The following ITGAX variants were observed in gnomAD, a reference collection of about 807,000 sequenced individuals.
ITGAX encodes integrin subunit alpha X.
Under a neutral mutation model 140.2 loss-of-function variants are expected in ITGAX, and 99 were observed. The observed-to-expected ratio is 0.71, with a 90% CI of 0.60 to 0.83. The LOEUF is 0.83. Among genes scored for constraint, ITGAX ranks in the 40% least tolerant of loss-of-function variants. The pLI, the probability that ITGAX is intolerant of heterozygous loss-of-function variation, is 0.00. For missense variants in ITGAX, 1,444 were observed against 1,482.0 expected, an observed-to-expected ratio of 0.97 and a Z score of 0.42; for synonymous variants, 631 against 600.4, an observed-to-expected ratio of 1.05 and a Z score of -0.75.
Position 31,357,115 on chromosome 16 carries a change from G to C in ITGAX, c.318+14G>C. 6.2e-7 allele frequency: 1 copy of C among 1,603,850 alleles called. No homozygotes were observed. The highest frequency in any genetic ancestry group is 8.5e-7 in the Non-Finnish European group (1 of 1,177,818). On this transcript the variant is annotated intron_variant, in intron 4 of 29. Coordinates refer to ENST00000268296, the MANE Select transcript of ITGAX (RefSeq NM_000887.5). ...TCCCAGCTGCTGGTGAGTGGCCCTG[G>C]GTCACAGGAGGCTTCTGAGGGAGGG...
Position 31,380,258 on chromosome 16 carries a change from G to A in ITGAX, c.3061-8G>A. 6.2e-7 allele frequency: 1 copy of A among 1,612,910 alleles called. No individual in the cohort carries two copies. The highest frequency in any genetic ancestry group is 1.7e-4 in the Middle Eastern group (1 of 6,056). On this transcript the variant is annotated splice_region_variant and splice_polypyrimidine_tract_variant and intron_variant, in intron 26 of 29. Transcript: ENST00000268296. ...TTTCTCAGCCCCATGCTATTTATCT[G>A]CCCCCAGGACTGCTCCATTGCTGGC...
In ITGAX at chr16:31,382,299, G is replaced by A; in HGVS notation, c.*392G>A. The A allele has an allele frequency of 9.5e-7, 1 of 1,051,166 alleles. No homozygotes were observed. 65.1% of individuals were successfully genotyped at this position (1,051,166 alleles called of 1,614,324 possible). On this transcript the variant is annotated 3_prime_UTR_variant, in exon 30 of 30. Transcript: ENST00000268296. ...CTCGCTCTGTCACCCAGGCTGGAGT[G>A]CAATGGCGTGATCTCGGCTCACTGC...
intron 20 of ITGAX, among the ~76,000 whole-genome samples, chr16:31,375,172 C>A (rs1032705953): frequency 6.6e-6 from 1 of 152,192 alleles, no homozygotes; most frequent in Non-Finnish European, 1.5e-5. Flanking sequence ...CCCACTGCCA[C>A]GCCCAGCTAA....
chr16:31,359,679 C>T (rs769145495), intron 5 of ITGAX, 21 bp from the exon 6 acceptor site: 21 of 1,612,004 alleles, frequency 1.3e-5, no homozygotes, highest in South Asian at 9.9e-5. Context: ...CTTGGAGGAC[C>T]GGTGCCACCT....
rs1266108240 is a variant in ITGAX, at chr16:31,362,525, A to G, written c.1217-86A>G. 8.5e-5 allele frequency: 106 copies of G among 1,253,424 alleles called. 1 individual carries two copies. The Middle Eastern group carries it at 2.3e-3, about 28-fold the overall frequency. 77.6% of individuals were successfully genotyped at this position (1,253,424 alleles called of 1,614,324 possible). A position where few individuals can be genotyped will look rare whatever the true frequency, so the allele number is the denominator to read the frequency against. ...TGGGGTCCAGGGTTCTGGGGAGGGG[A>G]GATGGTGCTGTGCTGCCCGGGGTGG... On this transcript the variant is annotated intron_variant, in intron 11 of 29. Coordinates refer to ENST00000268296, the MANE Select transcript of ITGAX (RefSeq NM_000887.5).
intron 20 of ITGAX, among the ~76,000 whole-genome samples, chr16:31,375,586 T>C (rs1157999930): frequency 6.6e-6 from 1 of 152,256 alleles, no homozygotes; most frequent in Non-Finnish European, 1.5e-5. Context: ...TCACACCCAA[T>C]GAAATAAGTG....
Position 31,365,451 on chromosome 16 carries a change from T to C in ITGAX, c.1710+2077T>C, listed in dbSNP as rs183311686. Among the ~76,000 whole-genome samples the C allele has an allele frequency of 5.9e-5, 9 of 152,044 alleles. No individual in the cohort carries two copies. In the East Asian group the frequency reaches 1.5e-3, roughly 26 times the overall value. On this transcript the variant is annotated intron_variant, in intron 14 of 29. Transcript: ENST00000268296. ...GTTCTGTCACACACCAGCTGTGTGA[T>C]CTTTGACAGGTAACTCACCCTCTCT...
Position 31,360,229 on chromosome 16 carries a change from G to T in ITGAX, c.708-81G>T, listed in dbSNP as rs543652980. 1.3e-5 allele frequency: 20 copies of T among 1,523,412 alleles called. No individual in the cohort carries two copies. In the East Asian group the frequency reaches 2.3e-4, roughly 17 times the overall value. The allele number at this position is 1,523,412 out of a possible 1,614,324, so 94.4% of individuals were successfully genotyped here. A position where few individuals can be genotyped will look rare whatever the true frequency, so the allele number is the denominator to read the frequency against. On this transcript the variant is annotated intron_variant, in intron 7 of 29. Coordinates refer to ENST00000268296, the MANE Select transcript of ITGAX (RefSeq NM_000887.5). ...GGACTGGGGCCTCCCAAAGGAAAAGGCATCTTCTAATTTTCACAAGGGCAC... is the reference window on the plus strand; with the variant it reads ...GGACTGGGGCCTCCCAAAGGAAAAGTCATCTTCTAATTTTCACAAGGGCAC...
intron 2 of ITGAX, chr16:31,356,344 G>T (rs1195910918): frequency 2.3e-6 from 1 of 442,504 alleles, no homozygotes; most frequent in Non-Finnish European, 4.1e-6. Context: ...TGCCTGGGTT[G>T]GTCTCAAACT....
Position 31,355,406 on chromosome 16 carries a change from C to T in ITGAX, c.37+115C>T. The T allele has an allele frequency of 7.0e-6, 8 of 1,142,386 alleles. No individual in the cohort carries two copies. The South Asian group carries it at 1.1e-4, about 15-fold the overall frequency. The allele number at this position is 1,142,386 out of a possible 1,614,324, so 70.8% of individuals were successfully genotyped here. The stretch of plus-strand genomic sequence containing the variant: ...ATCTGGGTAGGAAGAGAGACTCAGT[C>T]AAGCCTGAGGGGGAGGCAGGCACAT... On this transcript the variant is annotated intron_variant, in intron 1 of 29. Transcript: ENST00000268296.
At chr16:31,376,736 A>C in intron 20 of ITGAX, 63 bp from the exon 21 acceptor site, 3 of 1,480,230 alleles carry the variant, frequency 2.0e-6, no homozygotes, top group Non-Finnish European at 2.8e-6. Context: ...GTGCAAAAGT[A>C]ATTGGGTTTT....
intron 3 of ITGAX, 52 bp downstream of exon 3, chr16:31,356,780 C>G: frequency 7.5e-7 from 1 of 1,329,914 alleles, no homozygotes; most frequent in Non-Finnish European, 1.1e-6. Context: ...GGCTTCCCTG[C>G]TCCAGGGGCC....
Position 31,361,132 on chromosome 16 carries a change from G to T in ITGAX, c.931G>T (p.Glu311Ter). ...TGACATTGCATCGAAGCCCTCCCAG[G>T]AACACATATTTAAAGTGGAGGACTT... ...LNDIASKPSQ[E>*]HIFKVEDFDA... The change falls in exon 9 of 30, where the codon GAA becomes TAA. Residue 311 changes from glutamate to a stop codon, truncating the protein, a stop_gained. Coordinates refer to ENST00000268296, the MANE Select transcript of ITGAX (RefSeq NM_000887.5). LOFTEE classifies it high-confidence loss of function. 2 of 1,613,776 alleles carry T rather than the reference G, an allele frequency of 1.2e-6. No homozygotes were observed. Among genetic ancestry groups the T allele is most frequent in the South Asian group, 2.2e-5 (2 of 90,954 alleles).
At position 31,368,941 on chromosome 16, in the gene ITGAX, G is replaced by C. The variant is rs368543863; in HGVS notation, c.1711-2143G>C. On this transcript the variant is annotated intron_variant, in intron 14 of 29. Coordinates refer to ENST00000268296, the MANE Select transcript of ITGAX (RefSeq NM_000887.5). ...GGTTGGGGGTAAGGTCACAGATCAA[G>C]AGGATCCCAAGGCAGAAGAATTTTT... Among the ~76,000 whole-genome samples, 58 of 152,302 alleles carry C rather than the reference G, an allele frequency of 3.8e-4. No individual in the cohort carries two copies. The East Asian group carries it at 5.6e-3, about 15-fold the overall frequency.
At chr16:31,370,642 A>G (rs1464949756) in intron 14 of ITGAX, among the ~76,000 whole-genome samples, 1 of 152,094 alleles carries the variant, frequency 6.6e-6, no homozygotes, top group Non-Finnish European at 1.5e-5. Flanking sequence ...CTTAATACTC[A>G]TTGTGATATA....
At chr16:31,360,795 C>A (rs1020229753) in intron 8 of ITGAX, 2 of 519,928 alleles carry the variant, frequency 3.8e-6, no homozygotes, top group Admixed American at 3.7e-5. Flanking sequence ...GGATTACAGG[C>A]GTGAACCACC....
intron 29 of ITGAX, among the ~76,000 whole-genome samples, chr16:31,381,491 A>G (rs1421770245): frequency 6.6e-6 from 1 of 151,982 alleles, no homozygotes; most frequent in Non-Finnish European, 1.5e-5. Context: ...GTCAGGAGTT[A>G]AGAGACCAGC....
chr16:31,363,023 A>T lies in ITGAX; in HGVS notation c.1448A>T (p.Tyr483Phe). ...TDLVLIGAPHYYEQTRGGQVS... is the reference protein window; with the variant it reads ...TDLVLIGAPHFYEQTRGGQVS... ...CTGGTCCTCATCGGGGCCCCCCATT[A>T]CTACGAGCAGACCCGAGGGGGCCAG... The change falls in exon 13 of 30, where the codon TAC (tyrosine) becomes TTC (phenylalanine). Residue 483 changes from tyrosine (Y) to phenylalanine (F), a missense_variant. Physicochemically the swap from Tyr to Phe is conservative, Grantham distance 22. Transcript: ENST00000268296. 1.2e-6 allele frequency: 2 copies of T among 1,608,670 alleles called. No homozygotes were observed. The highest frequency in any genetic ancestry group is 1.7e-6 in the Non-Finnish European group (2 of 1,178,632).
Position 31,377,037 on chromosome 16 carries a change from C to T in ITGAX, c.2663C>T (p.Ala888Val), listed in dbSNP as rs1873812187. The T allele has an allele frequency of 6.2e-7, 1 of 1,614,228 alleles. No individual in the cohort carries two copies. The change falls in exon 22 of 30, where the codon GCT (alanine) becomes GTT (valine). Residue 888 changes from alanine to valine, a missense_variant. Coordinates refer to ENST00000268296, the MANE Select transcript of ITGAX (RefSeq NM_000887.5). ...FLATFDVSPK[A>V]VLGDRLLLTA... Reference sequence around the variant, plus strand: ...GCTACCTTTGACGTCTCCCCCAAGGCTGTCCTGGGAGACCGGCTGCTTCTG... The same window carrying T: ...GCTACCTTTGACGTCTCCCCCAAGGTTGTCCTGGGAGACCGGCTGCTTCTG...
Sources: allele counts gnomAD v4.1 joint callset (sites outside exome capture counted in the v4.1 genomes callset), GRCh38; gene constraint gnomAD v4.1.1; transcripts MANE v1.5; gene names NCBI Gene and HGNC (gene_info 2026-07-23, HGNC 2026-07-21).